CLDN14: variants seen among roughly 807,000 people sequenced by gnomAD.
The protein encoded by CLDN14 is claudin-14.
A neutral mutation model predicts 2.1 loss-of-function variants in CLDN14; 2 were observed. That is an observed-to-expected ratio of 0.96 (90% CI 0.39 to 3.01). The LOEUF (loss-of-function observed/expected upper bound fraction) is 3.01, where lower values mean the gene tolerates loss of function less well. Ranked by LOEUF, CLDN14 falls within the 30% of genes most tolerant of loss-of-function variation. The pLI, the probability that CLDN14 is intolerant of heterozygous loss-of-function variation, is 0.09. For missense variants in CLDN14, 298 were observed against 328.0 expected, an observed-to-expected ratio of 0.91 and a Z score of 0.71; for synonymous variants, 136 against 154.4, an observed-to-expected ratio of 0.88 and a Z score of 0.88.
At chr21:36,539,375 AGTGT>A (rs1278454388) in intron 1 of CLDN14, among the ~76,000 whole-genome samples, 2 of 119,150 alleles carry the variant, frequency 1.7e-5, no homozygotes, top group African/African-American at 6.8e-5. Context: ...GTGCGGAGTG[AGTGT>A]GTGTGGAGTG....
At chr21:36,463,992 G>C (rs534268933) in intron 1 of CLDN14, among the ~76,000 whole-genome samples, 3 of 152,208 alleles carry the variant, frequency 2.0e-5, no homozygotes, top group Non-Finnish European at 2.9e-5. Flanking sequence ...CAGGTGATAG[G>C]GTTTGGATTT....
intron 1 of CLDN14, among the ~76,000 whole-genome samples, chr21:36,528,332 T>C (rs1262332241): frequency 6.6e-6 from 1 of 152,208 alleles, no homozygotes. Flanking sequence ...AGGAATATTA[T>C]CATCATCTTC....
At chr21:36,467,382 G>C (rs1270101481) in intron 1 of CLDN14, among the ~76,000 whole-genome samples, 1 of 152,144 alleles carries the variant, frequency 6.6e-6, no homozygotes, top group Non-Finnish European at 1.5e-5. Flanking sequence ...TTACCAGCCT[G>C]CGTCTTGACT....
chr21:36,567,033 C>T (rs933926334), intron 1 of CLDN14, among the ~76,000 whole-genome samples: 28 of 152,174 alleles, frequency 1.8e-4, no homozygotes, highest in Admixed American at 7.2e-4. Flanking sequence ...CTACATTTTC[C>T]AGGGCATATC....
chr21:36,521,472 A>G (rs2087269811), intron 1 of CLDN14, among the ~76,000 whole-genome samples: 3 of 152,200 alleles, frequency 2.0e-5, no homozygotes, highest in Admixed American at 6.5e-5. Context: ...CAGACATACC[A>G]TCTTGTAACT....
chr21:36,543,579 A>T (rs1375050198), intron 1 of CLDN14, among the ~76,000 whole-genome samples: 1 of 152,206 alleles, frequency 6.6e-6, no homozygotes. Context: ...CACTATAATA[A>T]GTGCTTTAGC....
intron 2 of CLDN14, among the ~76,000 whole-genome samples, chr21:36,490,866 C>T (rs374208392): frequency 6.6e-6 from 1 of 151,994 alleles, no homozygotes; most frequent in Non-Finnish European, 1.5e-5. Context: ...GCTTTCTGCT[C>T]CTCCCAAACA....
At chr21:36,542,987 T>A (rs1601631464) in intron 1 of CLDN14, 1 of 152,384 alleles carries the variant, frequency 6.6e-6, no homozygotes, top group Non-Finnish European at 1.5e-5. Flanking sequence ...TGCCTGCGCA[T>A]AAAACAGGAT....
At chr21:36,488,574 A>G (rs2086924236) in intron 2 of CLDN14, among the ~76,000 whole-genome samples, 1 of 141,484 alleles carries the variant, frequency 7.1e-6, no homozygotes, top group South Asian at 2.3e-4. Flanking sequence ...CCGGCCTGTG[A>G]TTCCACTTTT....
At chr21:36,542,321 A>G (rs1182802186) in intron 1 of CLDN14, among the ~76,000 whole-genome samples, 1 of 152,220 alleles carries the variant, frequency 6.6e-6, no homozygotes, top group Non-Finnish European at 1.5e-5. Flanking sequence ...CGCTGCCCGG[A>G]AAATTCTGAC....
At chr21:36,481,386 GC>G (rs2086843627), upstream of CLDN14, among the ~76,000 whole-genome samples, 3 of 152,114 alleles carry the variant, frequency 2.0e-5, no homozygotes, top group Admixed American at 2.0e-4. Context: ...AGTAAAATGT[GC>G]CCATATTATC....
At chr21:36,486,046 G>A in intron 2 of CLDN14, 1 of 1,432,106 alleles carries the variant, frequency 7.0e-7, no homozygotes, top group Non-Finnish European at 9.8e-7. Flanking sequence ...AGGCCAGGGA[G>A]CCCACAGCGT....
intron 1 of CLDN14, among the ~76,000 whole-genome samples, chr21:36,537,617 A>ACAATTTACAATTTACC (rs1555852508): frequency 1.3e-5 from 2 of 151,754 alleles, no homozygotes; most frequent in African/African-American, 4.8e-5. Flanking sequence ...TTTACAATTT[A>ACAATTTACAATTTACC]CAATTTACCT....
chr21:36,538,858 G>A (rs2087454511), intron 1 of CLDN14, among the ~76,000 whole-genome samples: 1 of 152,118 alleles, frequency 6.6e-6, no homozygotes, highest in Admixed American at 6.5e-5. Flanking sequence ...ACTCAGGAAT[G>A]GGCAGACATA....
chr21:36,539,772 G>A (rs945855009), intron 1 of CLDN14, among the ~76,000 whole-genome samples: 2 of 150,790 alleles, frequency 1.3e-5, no homozygotes, highest in African/African-American at 2.4e-5. Context: ...GAGTGTGTAT[G>A]TGGAGTGAGT....
At chr21:36,511,831 G>A (rs372251418) in intron 1 of CLDN14, among the ~76,000 whole-genome samples, 2 of 152,150 alleles carry the variant, frequency 1.3e-5, no homozygotes, top group Admixed American at 1.3e-4. Context: ...TCTAAGTTTG[G>A]TTGGTCTGTT....
chr21:36,537,496 T>G (rs959828696), intron 1 of CLDN14, among the ~76,000 whole-genome samples: 4 of 152,260 alleles, frequency 2.6e-5, no homozygotes, highest in African/African-American at 9.6e-5. Flanking sequence ...ACGCTAGAGT[T>G]AATTTTTTTA....
At position 36,521,697 on chromosome 21, in the gene CLDN14, G is replaced by A. The variant is rs74545070; in HGVS notation, c.-219-11197C>T. 6.8e-3 allele frequency among the ~76,000 whole-genome samples: 1,035 copies of A among 152,340 alleles called. 17 individuals carry two copies. Among genetic ancestry groups the A allele is most frequent in the African/African-American group, 0.024 (987 of 41,564 alleles). On this transcript the variant is annotated intron_variant, in intron 1 of 2. Coordinates refer to the CLDN14 transcript ENST00000342108. ...CCCAAGCTGGTGGTCACTGCTGGGA[G>A]TAGGGGCCGGGACATAGACTGGAGA...
chr21:36,546,085 C>A (rs1474611831), intron 1 of CLDN14, among the ~76,000 whole-genome samples: 2 of 152,180 alleles, frequency 1.3e-5, no homozygotes, highest in Non-Finnish European at 2.9e-5. Flanking sequence ...TGAGGTTGTT[C>A]AACCTCTGGC....
Sources: gnomAD v4.1 joint callset for allele counts (sites outside exome capture counted in the v4.1 genomes callset) on GRCh38, gnomAD v4.1.1 for gene constraint, MANE v1.5 for transcripts, NCBI Gene and HGNC (gene_info 2026-07-23, HGNC 2026-07-21) for gene names.